PAXBP1: variants seen among roughly 807,000 people sequenced by gnomAD.
PAXBP1 encodes the protein PAX3- and PAX7-binding protein 1.
A neutral mutation model predicts 119.9 loss-of-function variants in PAXBP1; 44 were observed. The ratio of observed to expected loss-of-function variants is 0.37; its 90% CI spans 0.29 to 0.47. The LOEUF (loss-of-function observed/expected upper bound fraction) is 0.47. Ranked by LOEUF, PAXBP1 falls within the 20% of genes least tolerant of loss-of-function variation. The pLI is 0.99. For missense variants in PAXBP1, 898 were observed against 1,134.1 expected (o/e 0.79, Z 2.99); for synonymous variants, 393 against 406.6 (o/e 0.97, Z 0.40).
Position 32,738,725 on chromosome 21 carries a change from C to T in PAXBP1, c.2335-406G>A, listed in dbSNP as rs573599112. Among the ~76,000 whole-genome samples, 29 of 152,250 alleles carry T rather than the reference C, an allele frequency of 1.9e-4. No individual in the cohort carries two copies. The South Asian group carries it at 3.5e-3, about 19-fold the overall frequency. On this transcript the variant is annotated intron_variant, in intron 15 of 17. Coordinates refer to ENST00000331923, the MANE Select transcript of PAXBP1 (RefSeq NM_016631.4). ...AGAGTCTGACTACAACCCTGCATGG[C>T]TACCATGTATCATGAACTACAACCA...
At chr21:32,759,728 G>A (rs1280423754) in intron 6 of PAXBP1, 49 bp downstream of exon 6, 2 of 1,488,698 alleles carry the variant, frequency 1.3e-6, no homozygotes, top group Non-Finnish European at 1.9e-6. Flanking sequence ...TGTTGCCTGA[G>A]GGAACAGAAA....
At chr21:32,742,926 C>T (rs2043810735) in intron 15 of PAXBP1, 2 of 497,076 alleles carry the variant, frequency 4.0e-6, no homozygotes, top group South Asian at 1.6e-5. Flanking sequence ...TTCAGGTAGC[C>T]ACTGGGCATC....
At chr21:32,763,582 T>C (rs774784278) in intron 3 of PAXBP1, among the ~76,000 whole-genome samples, 2 of 152,250 alleles carry the variant, frequency 1.3e-5, no homozygotes, top group African/African-American at 2.4e-5. Context: ...TACTGCTTCA[T>C]AATTTAAATC....
intron 2 of PAXBP1, among the ~76,000 whole-genome samples, chr21:32,767,623 C>G (rs1013512248): frequency 6.6e-6 from 1 of 152,176 alleles, no homozygotes; most frequent in Non-Finnish European, 1.5e-5. Flanking sequence ...ATTCTCATGA[C>G]AGTGAATAAG....
chr21:32,736,910 T>C (rs1345358283), intron 17 of PAXBP1, among the ~76,000 whole-genome samples: 3 of 152,094 alleles, frequency 2.0e-5, no homozygotes, highest in South Asian at 2.1e-4. Flanking sequence ...TCTCCCCAAA[T>C]TGGGAGATAA....
At chr21:32,744,731 G>A (rs1235195839) in intron 13 of PAXBP1, 61 bp downstream of exon 13, 20 of 1,465,390 alleles carry the variant, frequency 1.4e-5, no homozygotes, top group African/African-American at 4.4e-5. Context: ...TTCTCTCAAT[G>A]CTTGCTCATA....
At chr21:32,741,557 C>T (rs2043785282) in intron 15 of PAXBP1, 1 of 775,808 alleles carries the variant, frequency 1.3e-6, no homozygotes, top group Non-Finnish European at 2.4e-6. Context: ...TTCTTGGCCT[C>T]TCTGAGCAGC....
At chr21:32,739,413 C>T (rs1218640823) in intron 15 of PAXBP1, among the ~76,000 whole-genome samples, 1 of 152,118 alleles carries the variant, frequency 6.6e-6, no homozygotes, top group African/African-American at 2.4e-5. Flanking sequence ...CCTCATTGAG[C>T]CATTCTGAGG....
At chr21:32,741,252 C>T (rs1477551300) in intron 15 of PAXBP1, 1 of 296,194 alleles carries the variant, frequency 3.4e-6, no homozygotes, top group Non-Finnish European at 6.4e-6. Flanking sequence ...AAGGTCTGTT[C>T]ATAACCAAAT....
At chr21:32,766,292 G>A (rs1020012206) in intron 2 of PAXBP1, among the ~76,000 whole-genome samples, 4 of 152,156 alleles carry the variant, frequency 2.6e-5, no homozygotes, top group Non-Finnish European at 5.9e-5. Context: ...ATTTGCTTAT[G>A]ATTGAGCAAA....
chr21:32,768,196 T>C (rs532924056), intron 2 of PAXBP1, among the ~76,000 whole-genome samples: 42 of 152,304 alleles, frequency 2.8e-4, no homozygotes, highest in African/African-American at 1.0e-3. Flanking sequence ...GGCAGGATAT[T>C]CTCTCTCTGT....
rs1569152749 is a variant in PAXBP1 at position 32,737,322 on chromosome 21, A to G, written c.2568T>C (p.Leu856=). The change falls in exon 17 of 18, where the codon CTT becomes CTC. Residue 856 remains leucine (L), a synonymous_variant. Coordinates refer to ENST00000331923, the MANE Select transcript of PAXBP1 (RefSeq NM_016631.4). ...ISQLENFCRY[L]VHLADTIYRN... Reference sequence around the variant, plus strand: ...TATAAATTGTATCCGCTAAGTGTACAAGGTATCGGCAAAAGTTTTCTAACT... The same window carrying G: ...TATAAATTGTATCCGCTAAGTGTACGAGGTATCGGCAAAAGTTTTCTAACT... The G allele has an allele frequency of 6.2e-7, 1 of 1,609,518 alleles. No homozygotes were observed. Among genetic ancestry groups the G allele is most frequent in the Non-Finnish European group, 8.5e-7 (1 of 1,177,820 alleles).
intron 7 of PAXBP1, 100 bp downstream of exon 7, chr21:32,758,980 A>G (rs1035612858): frequency 8.6e-7 from 1 of 1,160,992 alleles, no homozygotes; most frequent in African/African-American, 1.5e-5. Context: ...TGTTGAGTTC[A>G]GTGGGTACTT....
chr21:32,766,794 G>A (rs1175896260), intron 2 of PAXBP1, among the ~76,000 whole-genome samples: 1 of 152,202 alleles, frequency 6.6e-6, no homozygotes, highest in Non-Finnish European at 1.5e-5. Context: ...GGTCTGGCTG[G>A]TGGGCCACTC....
chr21:32,762,930 A>G (rs1426690959), intron 3 of PAXBP1, among the ~76,000 whole-genome samples: 1 of 151,810 alleles, frequency 6.6e-6, no homozygotes, highest in Non-Finnish European at 1.5e-5. Flanking sequence ...AAAAAAAAAA[A>G]AGTAATGAAA....
rs746693675 is a variant in PAXBP1, at chr21:32,771,438, G to A, written c.231C>T (p.Gly77=). ...LTPGLGAEAG[G]GFPGGAEPGN... is the part of the protein sequence containing the mutation. ...CGGGCTCCGCGCCGCCGGGGAAGCC[G>A]CCCCCGGCCTCAGCCCCGAGGCCCG... The change falls in exon 1 of 18, where the codon GGC becomes GGT. Residue 77 remains glycine (G), a synonymous_variant. Coordinates refer to ENST00000331923, the MANE Select transcript of PAXBP1 (RefSeq NM_016631.4). 33 of 1,510,320 alleles carry A rather than the reference G, an allele frequency of 2.2e-5. No homozygotes were observed. The highest frequency in any genetic ancestry group is 2.8e-5 in the Non-Finnish European group (32 of 1,138,840). The allele number at this position is 1,510,320 out of a possible 1,614,324, so 93.6% of individuals were successfully genotyped here. A position where few individuals can be genotyped will look rare whatever the true frequency, so the allele number is the denominator to read the frequency against.
chr21:32,737,445 A>G (rs779176388), intron 16 of PAXBP1, 37 bp from the exon 17 acceptor site: 1 of 1,552,360 alleles, frequency 6.4e-7, no homozygotes, highest in Non-Finnish European at 8.7e-7. Flanking sequence ...AATAGTTAAG[A>G]CAGAATAAAT....
At chr21:32,745,821 A>G in intron 11 of PAXBP1, 103 bp from the exon 12 acceptor site, 1 of 1,400,662 alleles carries the variant, frequency 7.1e-7, no homozygotes, top group Admixed American at 2.0e-5. Context: ...TTGGTTGCAA[A>G]CAACTAAAAA....
intron 17 of PAXBP1, among the ~76,000 whole-genome samples, chr21:32,735,908 C>A (rs1005789009): frequency 1.3e-5 from 2 of 152,224 alleles, no homozygotes; most frequent in African/African-American, 2.4e-5. Flanking sequence ...GCAAAACTTT[C>A]CAACCCACAT....
Sources: gnomAD v4.1 joint callset for allele counts (sites outside exome capture counted in the v4.1 genomes callset) on GRCh38, gnomAD v4.1.1 for gene constraint, MANE v1.5 for transcripts, NCBI Gene and HGNC (gene_info 2026-07-23, HGNC 2026-07-21) for gene names.